Variants in ENOX1 observed in about 807,000 individuals in gnomAD.
ENOX1 encodes the protein ecto-NOX disulfide-thiol exchanger 1.
Under a neutral mutation model 82.5 loss-of-function variants are expected in ENOX1, and 42 were observed. That is an observed-to-expected ratio of 0.51 (90% confidence interval 0.40 to 0.66). The LOEUF is 0.66. Ranked by LOEUF, ENOX1 falls within the 30% of genes least tolerant of loss-of-function variation. The pLI is 0.00. For synonymous variants in ENOX1, 271 were observed against 282.2 expected (o/e 0.96, Z 0.40); for missense variants, 608 against 811.6 (o/e 0.75, Z 3.05).
intron 2 of ENOX1, among the ~76,000 whole-genome samples, chr13:43,637,223 G>A (rs1023705556): frequency 1.3e-5 from 2 of 152,138 alleles, no homozygotes; most frequent in African/African-American, 4.8e-5. Context: ...TTCCAACTCT[G>A]ACACAACACT....
chr13:43,465,962 A>T (rs1043294117), intron 3 of ENOX1, among the ~76,000 whole-genome samples: 2 of 152,128 alleles, frequency 1.3e-5, no homozygotes, highest in African/African-American at 4.8e-5. Flanking sequence ...CTTTATTTTT[A>T]TTCATTACCA....
chr13:43,222,732 A>G (rs552557572), intron 16 of ENOX1, among the ~76,000 whole-genome samples: 1 of 152,340 alleles, frequency 6.6e-6, no homozygotes, highest in South Asian at 2.1e-4. Flanking sequence ...TTAAGGAACA[A>G]TAATACCAGT....
chr13:43,498,837 T>G (rs2076882195), intron 2 of ENOX1, among the ~76,000 whole-genome samples: 1 of 152,112 alleles, frequency 6.6e-6, no homozygotes, highest in African/African-American at 2.4e-5. Flanking sequence ...TTCTTTTATA[T>G]TCTTCCATCA....
chr13:43,604,797 A>C (rs1337530581), intron 2 of ENOX1, among the ~76,000 whole-genome samples: 1 of 152,196 alleles, frequency 6.6e-6, no homozygotes, highest in African/African-American at 2.4e-5. Flanking sequence ...AAAAGAAATA[A>C]AGGGAATCCA....
chr13:43,589,014 C>T (rs1198328633), intron 2 of ENOX1, among the ~76,000 whole-genome samples: 1 of 151,890 alleles, frequency 6.6e-6, no homozygotes, highest in Non-Finnish European at 1.5e-5. Flanking sequence ...CAGGAAAGCT[C>T]TCCTTTCATA....
intron 2 of ENOX1, among the ~76,000 whole-genome samples, chr13:43,667,093 A>G (rs2153788645): frequency 6.6e-6 from 1 of 152,342 alleles, no homozygotes; most frequent in East Asian, 1.9e-4. Flanking sequence ...ACTTTAGATA[A>G]GGGGACAGAG....
intron 16 of ENOX1, among the ~76,000 whole-genome samples, chr13:43,223,465 G>A (rs938549936): frequency 2.6e-5 from 4 of 152,176 alleles, no homozygotes; most frequent in Non-Finnish European, 5.9e-5. Flanking sequence ...TAGGAGTACA[G>A]CTAATTTGTG....
chr13:43,693,504 T>C (rs1999119), intron 1 of ENOX1, among the ~76,000 whole-genome samples: 16,699 of 152,164 alleles, frequency 0.11, 1,635 homozygotes, highest in East Asian at 0.28. Context: ...TTTCTGAATC[T>C]TTCTCATACA....
intron 1 of ENOX1, among the ~76,000 whole-genome samples, chr13:43,672,566 C>A (rs1483655381): frequency 6.6e-6 from 1 of 152,150 alleles, no homozygotes; most frequent in Non-Finnish European, 1.5e-5. Flanking sequence ...CAGCCACGAA[C>A]TTAGGTTGAA....
intron 1 of ENOX1, among the ~76,000 whole-genome samples, chr13:43,720,154 G>A (rs993530823): frequency 1.3e-5 from 2 of 152,148 alleles, no homozygotes; most frequent in Admixed American, 6.5e-5. Flanking sequence ...TCTCAGGACT[G>A]TGCTTGCAGA....
At chr13:43,563,343 G>C (rs925252631) in intron 2 of ENOX1, among the ~76,000 whole-genome samples, 2 of 152,000 alleles carry the variant, frequency 1.3e-5, no homozygotes, top group African/African-American at 4.8e-5. Flanking sequence ...TGAAACAAAT[G>C]ATAATAGAAA....
At chr13:43,365,250 T>C (rs2050775435) in intron 5 of ENOX1, among the ~76,000 whole-genome samples, 1 of 152,018 alleles carries the variant, frequency 6.6e-6, no homozygotes, top group Non-Finnish European at 1.5e-5. Flanking sequence ...TTGAGGCCTC[T>C]TGCCAGGCAA....
chr13:43,466,206 T>G (rs1239745772), intron 3 of ENOX1, among the ~76,000 whole-genome samples: 1 of 151,532 alleles, frequency 6.6e-6, no homozygotes, highest in Non-Finnish European at 1.5e-5. Context: ...ATTCCAATAA[T>G]AAAAGAGAAA....
chr13:43,504,106 G>A (rs570374385), intron 2 of ENOX1, among the ~76,000 whole-genome samples: 1 of 151,660 alleles, frequency 6.6e-6, no homozygotes, highest in East Asian at 1.9e-4. Context: ...CAATCATCAG[G>A]GAAATTCAAA....
intron 2 of ENOX1, among the ~76,000 whole-genome samples, chr13:43,560,305 T>C (rs2079615267): frequency 6.6e-6 from 1 of 152,184 alleles, no homozygotes; most frequent in Non-Finnish European, 1.5e-5. Flanking sequence ...ATACGCAATA[T>C]GTCTTCTTAC....
chr13:43,551,430 G>GA (rs1253735099), intron 2 of ENOX1, among the ~76,000 whole-genome samples: 1 of 151,756 alleles, frequency 6.6e-6, no homozygotes, highest in African/African-American at 2.4e-5. Context: ...GTTGTTGGAA[G>GA]AAAAAATAAT....
chr13:43,305,945 A>G (rs4942202), intron 11 of ENOX1, among the ~76,000 whole-genome samples: 144,980 of 152,258 alleles, frequency 0.95, 69,461 homozygotes, highest in East Asian at 1. Flanking sequence ...AGGGAAGCAG[A>G]GCTCTCAGCC....
intron 12 of ENOX1, among the ~76,000 whole-genome samples, chr13:43,286,633 T>C (rs1220529147): frequency 6.6e-6 from 1 of 152,186 alleles, no homozygotes; most frequent in Non-Finnish European, 1.5e-5. Context: ...TGATTACTAA[T>C]GAGGATGCAT....
At chr13:43,476,169 CTTTG>C (rs771150164) in intron 3 of ENOX1, among the ~76,000 whole-genome samples, 15 of 152,112 alleles carry the variant, frequency 9.9e-5, no homozygotes, top group Non-Finnish European at 2.1e-4. Flanking sequence ...ATATTTGTTA[CTTTG>C]TTTATTCATT....
Sources: allele counts gnomAD v4.1 joint callset (sites outside exome capture counted in the v4.1 genomes callset), GRCh38; gene constraint gnomAD v4.1.1; transcripts MANE v1.5; gene names NCBI Gene and HGNC (gene_info 2026-07-23, HGNC 2026-07-21).